Variants in C16orf74 observed in about 807,000 individuals in gnomAD.
C16orf74 encodes the protein uncharacterized protein C16orf74.
A neutral mutation model predicts 6.5 loss-of-function variants in C16orf74; 10 were observed. The ratio of observed to expected loss-of-function variants is 1.54; its 90% CI spans 0.95 to 2.61. The LOEUF is 2.61. C16orf74 is among the 30% of genes most tolerant of loss of function. C16orf74 has a pLI of 0.00. For missense variants in C16orf74, 141 were observed against 105.9 expected (o/e 1.33, Z -1.45); for synonymous variants, 60 against 42.5 (o/e 1.41, Z -1.60).
chr16:85,749,279 T>G (rs2054408979), intron 1 of C16orf74, among the ~76,000 whole-genome samples: 1 of 152,120 alleles, frequency 6.6e-6, no homozygotes. Flanking sequence ...CATTTTTATT[T>G]TTTAATTTAT....
At chr16:85,717,112 T>G (rs1377774572) in intron 2 of C16orf74, among the ~76,000 whole-genome samples, 2 of 152,190 alleles carry the variant, frequency 1.3e-5, no homozygotes, top group Non-Finnish European at 2.9e-5. Context: ...GGCCATGCAC[T>G]GTCCTCGCAG....
chr16:85,726,069 C>T (rs2054129909), intron 2 of C16orf74, among the ~76,000 whole-genome samples: 1 of 152,192 alleles, frequency 6.6e-6, no homozygotes. Flanking sequence ...CTGCCTGGAA[C>T]ACTGTTCCCT....
At chr16:85,741,105 G>A (rs2054301977) in intron 1 of C16orf74, among the ~76,000 whole-genome samples, 1 of 152,204 alleles carries the variant, frequency 6.6e-6, no homozygotes, top group South Asian at 2.1e-4. Flanking sequence ...AGAAGAGACA[G>A]GGCAGCTCAG....
chr16:85,720,904 A>G lies in C16orf74; in HGVS notation c.29-10597T>C, dbSNP rs578005060. ...GGAGTTCGATACCAGCCTGGCCAAC[A>G]TGGTGAAAACTCATCTCTACTAAAA... On this transcript the variant is annotated intron_variant, in intron 2 of 3. Coordinates refer to ENST00000284245, the MANE Select transcript of C16orf74 (RefSeq NM_206967.3). Among the ~76,000 whole-genome samples, 6 of 151,976 alleles carry G rather than the reference A, an allele frequency of 3.9e-5. No individual in the cohort carries two copies. In the East Asian group the frequency reaches 1.2e-3, roughly 29 times the overall value.
chr16:85,735,139 C>T, intron 2 of C16orf74, 51 bp downstream of exon 2: 1 of 1,565,512 alleles, frequency 6.4e-7, no homozygotes. Context: ...CCCCCCAACC[C>T]AGCACCCCCT....
chr16:85,737,289 G>A (rs955952961), intron 1 of C16orf74, among the ~76,000 whole-genome samples: 2 of 152,166 alleles, frequency 1.3e-5, no homozygotes, highest in African/African-American at 4.8e-5. Context: ...CCCGGTAGCT[G>A]TGCATGCAGA....
intron 2 of C16orf74, among the ~76,000 whole-genome samples, chr16:85,714,136 C>T (rs892285569): frequency 1.3e-5 from 2 of 152,100 alleles, no homozygotes; most frequent in Non-Finnish European, 2.9e-5. Context: ...CACAGACAAG[C>T]GCAAGGTGGT....
Position 85,750,933 on chromosome 16 carries a change from T to C in C16orf74, c.-26A>G, listed in dbSNP as rs2054431124. 6.6e-6 allele frequency: 1 copy of C among 150,406 alleles called. No homozygotes were observed. The highest frequency in any genetic ancestry group is 1.5e-5 in the Non-Finnish European group (1 of 67,518). 9.3% of individuals were successfully genotyped at this position (150,406 alleles called of 1,614,324 possible). A position where few individuals can be genotyped will look rare whatever the true frequency, so the allele number is the denominator to read the frequency against. On this transcript the variant is annotated 5_prime_UTR_variant, in exon 1 of 4. Transcript: ENST00000284245. ...GAGGCGCGGGGCACTCACCGCTTCCTTCTTGGTGGGCTCACTGCGGAGCCG... is the reference window on the plus strand; with the variant it reads ...GAGGCGCGGGGCACTCACCGCTTCCCTCTTGGTGGGCTCACTGCGGAGCCG...
At chr16:85,738,512 G>C (rs1199637214) in intron 1 of C16orf74, among the ~76,000 whole-genome samples, 4 of 149,878 alleles carry the variant, frequency 2.7e-5, no homozygotes, top group Admixed American at 2.0e-4. Flanking sequence ...TTCATTTTTA[G>C]TAGAAATGGG....
intron 2 of C16orf74, among the ~76,000 whole-genome samples, chr16:85,734,329 G>C (rs565713793): frequency 1.6e-3 from 249 of 152,274 alleles, no homozygotes; most frequent in African/African-American, 5.7e-3. Flanking sequence ...CTTGATCTAG[G>C]TCTCACAGAG....
intron 2 of C16orf74, 45 bp from the exon 3 acceptor site, chr16:85,710,352 A>C: frequency 7.0e-7 from 1 of 1,434,834 alleles, no homozygotes; most frequent in Non-Finnish European, 9.0e-7. Flanking sequence ...CACACGACAG[A>C]GAGACAGGCA....
At chr16:85,749,944 G>T (rs1377201087) in intron 1 of C16orf74, among the ~76,000 whole-genome samples, 1 of 152,220 alleles carries the variant, frequency 6.6e-6, no homozygotes, top group Non-Finnish European at 1.5e-5. Flanking sequence ...GTCCCCAGCG[G>T]TGGGGGCGCA....
chr16:85,738,308 T>C (rs2054266778), intron 1 of C16orf74, among the ~76,000 whole-genome samples: 1 of 150,110 alleles, frequency 6.7e-6, no homozygotes. Flanking sequence ...ATTGGTCTGG[T>C]GTGTGGCTGG....
chr16:85,710,387 C>A, intron 2 of C16orf74, 80 bp from the exon 3 acceptor site: 1 of 1,365,280 alleles, frequency 7.3e-7, no homozygotes, highest in Non-Finnish European at 9.5e-7. Flanking sequence ...GAACCGCGGG[C>A]GCCACCCTCC....
At chr16:85,746,486 A>G (rs1234205537) in intron 1 of C16orf74, among the ~76,000 whole-genome samples, 1 of 152,200 alleles carries the variant, frequency 6.6e-6, no homozygotes, top group African/African-American at 2.4e-5. Context: ...GACCTGGAGA[A>G]CTAGACAGGG....
intron 2 of C16orf74, among the ~76,000 whole-genome samples, chr16:85,715,735 T>C (rs1210724417): frequency 6.6e-6 from 1 of 152,166 alleles, no homozygotes; most frequent in Non-Finnish European, 1.5e-5. Flanking sequence ...CCCTGCTCTA[T>C]AACATCCAGG....
chr16:85,720,296 G>A (rs2054069723), intron 2 of C16orf74, among the ~76,000 whole-genome samples: 1 of 152,174 alleles, frequency 6.6e-6, no homozygotes, highest in African/African-American at 2.4e-5. Flanking sequence ...GGGGGAAGGT[G>A]CCCAGCCGCC....
At chr16:85,718,188 G>T (rs1417301873) in intron 2 of C16orf74, among the ~76,000 whole-genome samples, 1 of 152,126 alleles carries the variant, frequency 6.6e-6, no homozygotes, top group Non-Finnish European at 1.5e-5. Flanking sequence ...TCCCATCTTG[G>T]CCTCCCAAAG....
intron 1 of C16orf74, among the ~76,000 whole-genome samples, chr16:85,744,694 G>A (rs1284324166): frequency 1.3e-5 from 2 of 151,932 alleles, no homozygotes; most frequent in South Asian, 2.1e-4. Flanking sequence ...GTCAGGCATG[G>A]TGGCAGGCGC....
Sources: allele counts gnomAD v4.1 joint callset (sites outside exome capture counted in the v4.1 genomes callset), GRCh38; gene constraint gnomAD v4.1.1; transcripts MANE v1.5; gene names NCBI Gene and HGNC (gene_info 2026-07-23, HGNC 2026-07-21).